Variants in GRXCR2 observed in about 807,000 individuals in gnomAD.
The protein encoded by GRXCR2 is glutaredoxin domain-containing cysteine-rich protein 2.
Under a neutral mutation model 24.8 loss-of-function variants are expected in GRXCR2, and 23 were observed. The ratio of observed to expected loss-of-function variants is 0.93; its 90% CI spans 0.67 to 1.32. The LOEUF is 1.32. Ranked by LOEUF, GRXCR2 falls within the 40% of genes most tolerant of loss-of-function variation. The pLI is 0.00. For missense variants in GRXCR2, 315 were observed against 303.4 expected (o/e 1.04, Z -0.28); for synonymous variants, 130 against 116.1 (o/e 1.12, Z -0.77).
chr5:145,897,474 G>C (rs1756967390), intron 2 of GRXCR2, among the ~76,000 whole-genome samples: 1 of 151,918 alleles, frequency 6.6e-6, no homozygotes, highest in South Asian at 2.1e-4. Context: ...GGACCCAATA[G>C]ATATCTGCAG....
intron 2 of GRXCR2, among the ~76,000 whole-genome samples, chr5:145,896,835 G>A (rs925499003): frequency 5.3e-5 from 8 of 152,014 alleles, no homozygotes; most frequent in East Asian, 1.9e-4. Context: ...ACATGCACAC[G>A]TATGTTTATT....
Position 145,911,560 on chromosome 5 carries a change from A to C in GRXCR2, c.-70+24141T>G, listed in dbSNP as rs1757167711. On this transcript the variant is annotated intron_variant, in intron 2 of 3. Transcript: ENST00000639411. The stretch of plus-strand genomic sequence containing the variant: ...TGAAAACTTTGGAAGAACTGACCCG[A>C]AGCCAAGACAGATGAACTTGAGTCC... Among the ~76,000 whole-genome samples, 3 of 152,222 alleles carry C rather than the reference A, an allele frequency of 2.0e-5. No individual in the cohort carries two copies. In the South Asian group the frequency reaches 6.2e-4, roughly 32 times the overall value.
intron 2 of GRXCR2, among the ~76,000 whole-genome samples, chr5:145,914,047 A>T (rs1407107774): frequency 6.6e-6 from 1 of 152,194 alleles, no homozygotes. Context: ...GAGTAAAGGC[A>T]ACTCAACATT....
chr5:145,901,966 C>T lies in GRXCR2; in HGVS notation c.-70+33735G>A, dbSNP rs115363110. On this transcript the variant is annotated intron_variant, in intron 2 of 3. Coordinates refer to the GRXCR2 transcript ENST00000639411. Reference sequence around the variant, plus strand: ...CCAAACATATTTTGCAGGTAGTCAACAAGATTTACTCATGGTATTCATGGA... The same window carrying T: ...CCAAACATATTTTGCAGGTAGTCAATAAGATTTACTCATGGTATTCATGGA... Among the ~76,000 whole-genome samples the T allele has an allele frequency of 6.6e-3, 998 of 152,204 alleles. 10 individuals carry two copies. The highest frequency in any genetic ancestry group is 0.023 in the African/African-American group (960 of 41,522).
In GRXCR2 at chr5:145,868,103, G is replaced by A. The variant is rs112746733; in HGVS notation, c.337-1375C>T. On this transcript the variant is annotated intron_variant, in intron 1 of 2. Coordinates refer to ENST00000377976, the MANE Select transcript of GRXCR2 (RefSeq NM_001080516.2). ...TAATTATATCAACTTCTGGGGGTGG[G>A]AGGTACCACGAAAAACATATAAAAT... 3.8e-3 allele frequency among the ~76,000 whole-genome samples: 584 copies of A among 152,190 alleles called. 2 individuals carry two copies. The highest frequency in any genetic ancestry group is 0.013 in the African/African-American group (552 of 41,514).
chr5:145,896,043 A>G (rs974777684), intron 2 of GRXCR2, among the ~76,000 whole-genome samples: 3 of 152,204 alleles, frequency 2.0e-5, no homozygotes, highest in Non-Finnish European at 2.9e-5. Context: ...AGGATTCCCT[A>G]TTTAATAAAT....
At chr5:145,908,794 C>T (rs1035250317) in intron 2 of GRXCR2, among the ~76,000 whole-genome samples, 5 of 152,122 alleles carry the variant, frequency 3.3e-5, no homozygotes, top group Non-Finnish European at 1.5e-5. Context: ...AATGCAGATT[C>T]CAAGATTACT....
At chr5:145,921,874 T>C (rs978696096) in intron 2 of GRXCR2, among the ~76,000 whole-genome samples, 12 of 152,358 alleles carry the variant, frequency 7.9e-5, no homozygotes, top group African/African-American at 2.6e-4. Context: ...TTGTAGATTT[T>C]ATTTTTTTAA....
intron 2 of GRXCR2, among the ~76,000 whole-genome samples, chr5:145,916,041 T>C (rs1312266224): frequency 6.6e-6 from 1 of 152,102 alleles, no homozygotes; most frequent in Non-Finnish European, 1.5e-5. Flanking sequence ...AGCTTATTCA[T>C]GGGGAAGCAG....
chr5:145,897,378 A>G (rs1756966445), intron 2 of GRXCR2, among the ~76,000 whole-genome samples: 1 of 152,154 alleles, frequency 6.6e-6, no homozygotes, highest in Non-Finnish European at 1.5e-5. Flanking sequence ...GGAGAACTTT[A>G]ACACACCACT....
At chr5:145,894,500 A>G (rs1300850312) in intron 2 of GRXCR2, among the ~76,000 whole-genome samples, 2 of 152,242 alleles carry the variant, frequency 1.3e-5, no homozygotes, top group African/African-American at 4.8e-5. Flanking sequence ...GAATACTATA[A>G]ACACTTCTAT....
At chr5:145,875,738 C>A (rs1380441794), upstream of GRXCR2, among the ~76,000 whole-genome samples, 3 of 152,044 alleles carry the variant, frequency 2.0e-5, no homozygotes, top group Non-Finnish European at 2.9e-5. Context: ...ATTGTAACTC[C>A]CCCAGGATGC....
chr5:145,909,117 C>T (rs946784855), intron 2 of GRXCR2, among the ~76,000 whole-genome samples: 1 of 152,136 alleles, frequency 6.6e-6, no homozygotes, highest in African/African-American at 2.4e-5. Flanking sequence ...AATAAATGAG[C>T]TATTATATGT....
At chr5:145,879,567 G>C (rs372269) in intron 2 of GRXCR2, among the ~76,000 whole-genome samples, 11,429 of 152,030 alleles carry the variant, frequency 0.075, 807 homozygotes, top group African/African-American at 0.19. Flanking sequence ...CCTTAGAGAC[G>C]GACAAAGAGA....
chr5:145,865,048 A>G (rs558063021), intron 2 of GRXCR2, among the ~76,000 whole-genome samples: 1 of 152,138 alleles, frequency 6.6e-6, no homozygotes. Flanking sequence ...GAAATGAGAT[A>G]AGAAGGAGCC....
chr5:145,873,811 A>G (rs1261293228), upstream of GRXCR2, among the ~76,000 whole-genome samples: 1 of 152,216 alleles, frequency 6.6e-6, no homozygotes, highest in Non-Finnish European at 1.5e-5. Flanking sequence ...TGCCTGTTGG[A>G]CTTCGTAAAT....
chr5:145,889,221 A>G (rs1367656090), intron 2 of GRXCR2, among the ~76,000 whole-genome samples: 1 of 151,436 alleles, frequency 6.6e-6, no homozygotes, highest in African/African-American at 2.4e-5. Context: ...AGAAAGAAAG[A>G]AAGAAAGAAA....
intron 2 of GRXCR2, among the ~76,000 whole-genome samples, chr5:145,930,788 A>AAAAGAAG (rs1170830321): frequency 4.6e-5 from 7 of 152,224 alleles, no homozygotes; most frequent in Admixed American, 4.6e-4. Flanking sequence ...TACTTACAGA[A>AAAAGAAG]AAAGAAGAAA....
intron 2 of GRXCR2, among the ~76,000 whole-genome samples, chr5:145,906,569 C>G (rs10064587): frequency 6.6e-6 from 1 of 151,994 alleles, no homozygotes; most frequent in Non-Finnish European, 1.5e-5. Context: ...TCCAACAGCA[C>G]TGGAAGTAAT....
Sources: allele counts gnomAD v4.1 joint callset (sites outside exome capture counted in the v4.1 genomes callset), GRCh38; gene constraint gnomAD v4.1.1; transcripts MANE v1.5; gene names NCBI Gene and HGNC (gene_info 2026-07-23, HGNC 2026-07-21).